Variants in RALYL observed in about 807,000 individuals in gnomAD.
The protein encoded by RALYL is RNA-binding Raly-like protein.
RALYL carries 29 observed loss-of-function variants against 35.1 expected under a neutral mutation model. That is an observed-to-expected ratio of 0.83 (90% CI 0.61 to 1.13). The LOEUF (loss-of-function observed/expected upper bound fraction) is 1.13, where lower values mean the gene tolerates loss of function less well. Ranked by LOEUF, RALYL falls within the 50% of genes most tolerant of loss-of-function variation. RALYL has a pLI of 0.00. For missense variants in RALYL, 359 were observed against 360.4 expected, an observed-to-expected ratio of 1.00 and a Z score of 0.03; for synonymous variants, 120 against 127.6, an observed-to-expected ratio of 0.94 and a Z score of 0.40.
In RALYL at chr8:84,281,195, G is replaced by T. The variant is rs377483749; in HGVS notation, c.-24+96771G>T. ...ATTTGTGGTGGGACATCTAAGTGGAGCAATTTCCTAAAATCACTTGGGATA... is the reference window on the plus strand; with the variant it reads ...ATTTGTGGTGGGACATCTAAGTGGATCAATTTCCTAAAATCACTTGGGATA... On this transcript the variant is annotated intron_variant, in intron 1 of 8. Coordinates refer to ENST00000521268, the MANE Select transcript of RALYL (RefSeq NM_173848.7). Among the ~76,000 whole-genome samples the T allele has an allele frequency of 9.2e-5, 14 of 152,228 alleles. No individual in the cohort carries two copies. In the East Asian group the frequency reaches 2.7e-3, roughly 29 times the overall value.
chr8:84,612,196 TCATAACTTCTG>T (rs1818458884), intron 2 of RALYL, among the ~76,000 whole-genome samples: 1 of 152,026 alleles, frequency 6.6e-6, no homozygotes, highest in Non-Finnish European at 1.5e-5. Flanking sequence ...TATTATTTCT[TCATAACTTCTG>T]GCTCTGGTGT....
chr8:84,600,071 T>C (rs1053915350), intron 2 of RALYL, among the ~76,000 whole-genome samples: 1 of 152,080 alleles, frequency 6.6e-6, no homozygotes, highest in African/African-American at 2.4e-5. Context: ...CATACACTTA[T>C]AGATTTTCAC....
intron 5 of RALYL, among the ~76,000 whole-genome samples, chr8:84,855,743 A>G (rs1423567714): frequency 6.6e-6 from 1 of 152,232 alleles, no homozygotes; most frequent in Non-Finnish European, 1.5e-5. Flanking sequence ...TAGCTGTCTA[A>G]ATCCAACCTC....
chr8:84,381,265 T>G (rs1177792075), intron 1 of RALYL, among the ~76,000 whole-genome samples: 1 of 151,848 alleles, frequency 6.6e-6, no homozygotes, highest in Admixed American at 6.6e-5. Context: ...GTTTTAATAT[T>G]TATATTTAGA....
At chr8:84,676,390 G>T (rs562982451) in intron 2 of RALYL, among the ~76,000 whole-genome samples, 24 of 152,304 alleles carry the variant, frequency 1.6e-4, no homozygotes, top group Admixed American at 1.1e-3. Context: ...TACAAAGCTT[G>T]ATTGTAGGCA....
At chr8:84,229,964 A>G (rs1472978672) in intron 1 of RALYL, among the ~76,000 whole-genome samples, 1 of 152,202 alleles carries the variant, frequency 6.6e-6, no homozygotes, top group Non-Finnish European at 1.5e-5. Flanking sequence ...TAAGTGAAAT[A>G]GAAAATTGCT....
intron 2 of RALYL, among the ~76,000 whole-genome samples, chr8:84,629,914 C>T (rs574322337): frequency 3.4e-4 from 51 of 152,060 alleles, no homozygotes; most frequent in South Asian, 2.1e-3. Flanking sequence ...ATGCTGACAT[C>T]CAAAAATGTT....
At chr8:84,266,908 C>T (rs1055243730) in intron 1 of RALYL, among the ~76,000 whole-genome samples, 2 of 144,178 alleles carry the variant, frequency 1.4e-5, no homozygotes, top group Non-Finnish European at 3.0e-5. Context: ...TGCAGTGAGC[C>T]GAGATCGCGC....
At chr8:84,504,915 C>T (rs988032361) in intron 1 of RALYL, among the ~76,000 whole-genome samples, 3 of 152,190 alleles carry the variant, frequency 2.0e-5, no homozygotes, top group Middle Eastern at 3.4e-3. Flanking sequence ...ATTGAAAAAG[C>T]TCAATTATTG....
chr8:84,377,535 G>A (rs964771306), intron 1 of RALYL, among the ~76,000 whole-genome samples: 3 of 146,344 alleles, frequency 2.0e-5, no homozygotes, highest in African/African-American at 5.1e-5. Flanking sequence ...ATAGCCTGAG[G>A]CAATTAAAAA....
chr8:84,457,305 C>T (rs373482228), intron 1 of RALYL, among the ~76,000 whole-genome samples: 2 of 152,070 alleles, frequency 1.3e-5, no homozygotes, highest in South Asian at 4.1e-4. Flanking sequence ...CTAAACCTAG[C>T]TCTGGATAAT....
Position 84,436,999 on chromosome 8 carries a change from C to G in RALYL, c.-23-92300C>G, listed in dbSNP as rs181421287. Among the ~76,000 whole-genome samples, 423 of 152,210 alleles carry G rather than the reference C, an allele frequency of 2.8e-3. 3 individuals carry two copies. The highest frequency in any genetic ancestry group is 9.6e-3 in the African/African-American group (397 of 41,540). On this transcript the variant is annotated intron_variant, in intron 1 of 8. Transcript: ENST00000521268. The stretch of plus-strand genomic sequence containing the variant: ...CCCAAGAAGATAGCATAGTACCCAA[C>G]AGTTTTTCAACCCTTGCTCCCTCCT...
At chr8:84,761,584 A>G (rs951845206) in intron 2 of RALYL, among the ~76,000 whole-genome samples, 2 of 152,110 alleles carry the variant, frequency 1.3e-5, no homozygotes, top group Non-Finnish European at 2.9e-5. Flanking sequence ...CTAAATTGCA[A>G]GATCATCCTA....
chr8:84,225,748 C>G (rs1174598380), intron 1 of RALYL, among the ~76,000 whole-genome samples: 1 of 152,150 alleles, frequency 6.6e-6, no homozygotes, highest in East Asian at 1.9e-4. Flanking sequence ...CTCTTTATTT[C>G]CTGTGTTACA....
chr8:84,392,919 A>G (rs1472579094), intron 1 of RALYL, among the ~76,000 whole-genome samples: 1 of 152,098 alleles, frequency 6.6e-6, no homozygotes, highest in Non-Finnish European at 1.5e-5. Context: ...TTCAAATGTT[A>G]TTCATTCACT....
chr8:84,428,987 C>T (rs1410412159), intron 1 of RALYL, among the ~76,000 whole-genome samples: 2 of 152,088 alleles, frequency 1.3e-5, no homozygotes, highest in Non-Finnish European at 2.9e-5. Flanking sequence ...TTTACTTACA[C>T]ATGGATGATT....
intron 4 of RALYL, among the ~76,000 whole-genome samples, chr8:84,826,492 GAAAAATTTAAAATACT>G (rs1829734970): frequency 6.6e-6 from 1 of 151,976 alleles, no homozygotes; most frequent in Non-Finnish European, 1.5e-5. Flanking sequence ...GTAGCTTAAT[GAAAAATTTAAAATACT>G]AGGGTATACC....
intron 1 of RALYL, among the ~76,000 whole-genome samples, chr8:84,297,808 G>A (rs1404184818): frequency 6.6e-6 from 1 of 152,038 alleles, no homozygotes; most frequent in African/African-American, 2.4e-5. Context: ...GTGTTATTGA[G>A]CATTTTTTCA....
chr8:84,830,958 A>C (rs1427494949), intron 4 of RALYL, among the ~76,000 whole-genome samples: 1 of 152,140 alleles, frequency 6.6e-6, no homozygotes, highest in Non-Finnish European at 1.5e-5. Flanking sequence ...CAGTAAATTA[A>C]AGATTTGATA....
Sources: gnomAD v4.1 joint callset for allele counts (sites outside exome capture counted in the v4.1 genomes callset) on GRCh38, gnomAD v4.1.1 for gene constraint, MANE v1.5 for transcripts, NCBI Gene and HGNC (gene_info 2026-07-23, HGNC 2026-07-21) for gene names.